DCAF8: variants seen among roughly 807,000 people sequenced by gnomAD.
DCAF8 encodes DDB1 and CUL4 associated factor 8.
In DCAF8, 20 loss-of-function variants were observed where a neutral mutation model predicts 68.0. The observed-to-expected ratio is 0.29, with a 90% CI of 0.21 to 0.43. The LOEUF (loss-of-function observed/expected upper bound fraction) is 0.43, where lower values mean the gene tolerates loss of function less well. Ranked by LOEUF, DCAF8 falls within the 20% of genes least tolerant of loss-of-function variation. The pLI is 1.00. For synonymous variants in DCAF8, 230 were observed against 276.9 expected (o/e 0.83, Z 1.68); for missense variants, 460 against 771.0 (o/e 0.60, Z 4.78).
At chr1:160,221,820 A>G (rs1274668969) in intron 11 of DCAF8, among the ~76,000 whole-genome samples, 1 of 140,420 alleles carries the variant, frequency 7.1e-6, no homozygotes, top group Non-Finnish European at 1.6e-5. Context: ...TAGGTCTCAA[A>G]AAAAAAAAAA....
chr1:160,246,896 C>G (rs906159524), intron 2 of DCAF8, among the ~76,000 whole-genome samples: 1 of 152,152 alleles, frequency 6.6e-6, no homozygotes, highest in Non-Finnish European at 1.5e-5. Context: ...GAAGTTGAGG[C>G]TGCAGTGACC....
intron 6 of DCAF8, among the ~76,000 whole-genome samples, chr1:160,235,462 G>A (rs1400988780): frequency 6.6e-6 from 1 of 151,796 alleles, no homozygotes; most frequent in South Asian, 2.1e-4. Context: ...GACAATAAAC[G>A]ATCTAGATAT....
chr1:160,240,517 C>T, intron 3 of DCAF8, 147 bp from the exon 4 acceptor site: 1 of 697,976 alleles, frequency 1.4e-6, no homozygotes, highest in East Asian at 2.7e-5. Context: ...ACAGAGAGTA[C>T]CCTCTGAGGG....
intron 2 of DCAF8, among the ~76,000 whole-genome samples, chr1:160,253,415 A>C (rs759368803): frequency 1.3e-5 from 2 of 152,072 alleles, no homozygotes; most frequent in Non-Finnish European, 2.9e-5. Context: ...TGGGAGGCTG[A>C]GGCGGGTGGA....
intron 6 of DCAF8, 91 bp downstream of exon 6, chr1:160,237,044 G>A (rs556205762): frequency 1.1e-5 from 10 of 874,914 alleles, no homozygotes; most frequent in Admixed American, 3.0e-5. Context: ...GGTACTATTC[G>A]GATGAACCAG....
intron 2 of DCAF8, among the ~76,000 whole-genome samples, chr1:160,260,601 A>G (rs1199172110): frequency 6.6e-6 from 1 of 152,174 alleles, no homozygotes; most frequent in Admixed American, 6.5e-5. Context: ...AACTGCATTT[A>G]TAAGTATGTT....
intron 13 of DCAF8, 34 bp from the exon 14 acceptor site, chr1:160,217,742 T>C: frequency 6.5e-7 from 1 of 1,544,628 alleles, no homozygotes; most frequent in Admixed American, 1.7e-5. Flanking sequence ...GTAACTTCCC[T>C]GGATGGAACA....
In DCAF8 at chr1:160,219,017, G is replaced by T. The variant is rs768748218; in HGVS notation, c.1441-49C>A. The T allele has an allele frequency of 1.2e-4, 187 of 1,606,884 alleles. No homozygotes were observed. The East Asian group carries it at 4.0e-3, about 35-fold the overall frequency. Reference sequence around the variant, plus strand: ...CAGACTCAGCAGTGTGTGGGAGTAGGGTTTAAAAACCACTACTCACCTTGA... The same window carrying T: ...CAGACTCAGCAGTGTGTGGGAGTAGTGTTTAAAAACCACTACTCACCTTGA... On this transcript the variant is annotated intron_variant, in intron 11 of 13. Coordinates refer to ENST00000368074, the MANE Select transcript of DCAF8 (RefSeq NM_015726.4).
chr1:160,231,243 T>C lies in DCAF8; in HGVS notation c.1070+54A>G, dbSNP rs989228564. 8 of 1,211,568 alleles carry C rather than the reference T, an allele frequency of 6.6e-6. No homozygotes were observed. The African/African-American group carries it at 1.0e-4, about 16-fold the overall frequency. The allele number at this position is 1,211,568 out of a possible 1,614,324, so 75.1% of individuals were successfully genotyped here. A position where few individuals can be genotyped will look rare whatever the true frequency, so the allele number is the denominator to read the frequency against. On this transcript the variant is annotated intron_variant, in intron 7 of 13. Transcript: ENST00000368074. ...CTCCATAAAGGAGCACCTGGTAGTA[T>C]ACAATGCATCAGTCTTACAAACTGT...
chr1:160,239,746 C>T lies in DCAF8; in HGVS notation c.674G>A (p.Arg225Gln), dbSNP rs964936301. Residue 225 changes from arginine (R) to glutamine (Q), a missense_variant, in exon 4 of 14, where the codon CGG becomes CAG. Physicochemically the swap from Arg to Gln is conservative, Grantham distance 43 (BLOSUM62 1). Around this residue, in one of 8 missense-constraint regions of DCAF8, gnomAD observed 170 missense variants for 318.2 expected, o/e 0.53. Transcript: ENST00000368074. Reference protein sequence around the residue: ...LKVVVWDWVRRQPVLDFESGH... With the variant: ...LKVVVWDWVRQQPVLDFESGH... ...ACTCTCAAAGTCCAGTACTGGCTGC[C>T]GCCGTACCCAATCCCACACCACCAC... 8.1e-6 allele frequency: 13 copies of T among 1,614,236 alleles called. No individual in the cohort carries two copies. Among genetic ancestry groups the T allele is most frequent in the Admixed American group, 1.7e-5 (1 of 60,034 alleles).
intron 2 of DCAF8, among the ~76,000 whole-genome samples, chr1:160,249,243 A>G (rs140852727): frequency 6.6e-6 from 1 of 152,322 alleles, no homozygotes; most frequent in African/African-American, 2.4e-5. Flanking sequence ...AAGATCCTCA[A>G]CATTATTAAT....
intron 13 of DCAF8, chr1:160,217,930 T>C (rs1655177918): frequency 5.6e-6 from 3 of 533,954 alleles, no homozygotes; most frequent in South Asian, 3.0e-5. Flanking sequence ...AGAATGGGTA[T>C]GGCTGCAAGC....
chr1:160,262,251 G>A (rs1014109997), intron 1 of DCAF8, 198 bp downstream of exon 1: 4 of 398,836 alleles, frequency 1.0e-5, no homozygotes, highest in Non-Finnish European at 1.8e-5. Flanking sequence ...GGGGGGCGCA[G>A]GCCGAGCCGG....
At chr1:160,228,788 G>A (rs1201900814) in intron 7 of DCAF8, among the ~76,000 whole-genome samples, 1 of 152,150 alleles carries the variant, frequency 6.6e-6, no homozygotes, top group Non-Finnish European at 1.5e-5. Context: ...GAAAGTTAAT[G>A]ATGTTATGAT....
chr1:160,262,329 A>G (rs1376605272), intron 1 of DCAF8, 120 bp downstream of exon 1: 3 of 399,246 alleles, frequency 7.5e-6, no homozygotes, highest in African/African-American at 6.2e-5. Context: ...AAGCACGGGA[A>G]TCGGCGAGGC....
intron 6 of DCAF8, among the ~76,000 whole-genome samples, chr1:160,232,120 G>C (rs1367223780): frequency 6.6e-6 from 1 of 152,060 alleles, no homozygotes; most frequent in African/African-American, 2.4e-5. Flanking sequence ...TGAGGGAAGA[G>C]AATCACTTGA....
chr1:160,251,482 CTTTT>C (rs891210115), intron 2 of DCAF8, among the ~76,000 whole-genome samples: 9 of 149,590 alleles, frequency 6.0e-5, no homozygotes, highest in Admixed American at 2.7e-4. Flanking sequence ...TGCAGATGTT[CTTTT>C]TTTTTTAAGA....
chr1:160,248,918 G>A (rs2101757709), intron 2 of DCAF8, among the ~76,000 whole-genome samples: 1 of 151,720 alleles, frequency 6.6e-6, no homozygotes, highest in East Asian at 1.9e-4. Flanking sequence ...GAGGGCGGGT[G>A]TGGTGCCTCA....
chr1:160,223,443 C>A (rs1323570932), intron 10 of DCAF8, among the ~76,000 whole-genome samples: 2 of 152,054 alleles, frequency 1.3e-5, no homozygotes, highest in African/African-American at 2.4e-5. Flanking sequence ...ATCTCCAAGA[C>A]AAAATCATGA....
Sources: allele counts gnomAD v4.1 joint callset (sites outside exome capture counted in the v4.1 genomes callset), GRCh38; gene constraint gnomAD v4.1.1; regional missense constraint gnomAD v4.1.1; transcripts MANE v1.5; gene names NCBI Gene and HGNC (gene_info 2026-07-23, HGNC 2026-07-21).